Variants in CSMD2 observed in about 807,000 individuals in gnomAD.
CSMD2 encodes CUB and Sushi multiple domains 2, also known as CUB and sushi domain-containing protein 2.
CSMD2 carries 130 observed loss-of-function variants against 398.5 expected under a neutral mutation model. The observed-to-expected ratio is 0.33, with a 90% CI of 0.28 to 0.38. The LOEUF (loss-of-function observed/expected upper bound fraction) is 0.38, where lower values mean the gene tolerates loss of function less well. Ranked by LOEUF, CSMD2 falls within the 10% of genes least tolerant of loss-of-function variation. The pLI, the probability that CSMD2 is intolerant of heterozygous loss-of-function variation, is 1.00. For synonymous variants in CSMD2, 1,828 were observed against 1,908.5 expected (o/e 0.96, Z 1.10); for missense variants, 3,829 against 4,764.9 (o/e 0.80, Z 5.78).
rs760966387 is a variant in CSMD2, at chr1:33,636,467, G to A, written c.4862C>T (p.Thr1621Ile). Reference protein sequence around the residue: ...GSDLKLGSSVTYYCHGGYEVE... With the variant: ...GSDLKLGSSVIYYCHGGYEVE... ...TTCGTAGCCCCCGTGGCAGTAGTAG[G>A]TGACGGAGGAGCCCAGCTTCAGGTC... Residue 1621 changes from threonine (T) to isoleucine (I), a missense_variant, in exon 30 of 71, where the codon ACC becomes ATC. Transcript: ENST00000373381. The surrounding 1 kb of genome is among the most constrained non-coding windows in gnomAD (Gnocchi z 4.8). 3.1e-6 allele frequency: 5 copies of A among 1,614,180 alleles called. No individual in the cohort carries two copies. The Admixed American group carries it at 8.3e-5, about 27-fold the overall frequency.
intron 3 of CSMD2, among the ~76,000 whole-genome samples, chr1:34,018,945 C>T (rs1648512348): frequency 6.6e-6 from 1 of 152,078 alleles, no homozygotes; most frequent in Non-Finnish European, 1.5e-5. Flanking sequence ...AATTTGGATC[C>T]AATAGTCGCA....
In CSMD2 at chr1:34,128,821, G is replaced by A. The variant is rs77903051; in HGVS notation, c.187+36090C>T. 6.4e-3 allele frequency among the ~76,000 whole-genome samples: 968 copies of A among 152,306 alleles called. 9 individuals carry two copies. Among genetic ancestry groups the A allele is most frequent in the African/African-American group, 0.022 (902 of 41,564 alleles). ...TGCCAGCTCAGAAGGACAGTGACTAGGGATGGGGGAGGTTCAAGGTCAAAG... is the reference window on the plus strand; with the variant it reads ...TGCCAGCTCAGAAGGACAGTGACTAAGGATGGGGGAGGTTCAAGGTCAAAG... On this transcript the variant is annotated intron_variant, in intron 1 of 70. Coordinates refer to ENST00000373381, the MANE Select transcript of CSMD2 (RefSeq NM_001281956.2).
intron 12 of CSMD2, among the ~76,000 whole-genome samples, chr1:33,776,584 T>C (rs748167160): frequency 1.3e-5 from 2 of 152,072 alleles, no homozygotes; most frequent in African/African-American, 4.8e-5. Context: ...GATGACTCAT[T>C]TGTAGGGATA....
At chr1:33,796,643 A>T (rs1226076047) in intron 10 of CSMD2, among the ~76,000 whole-genome samples, 4 of 152,242 alleles carry the variant, frequency 2.6e-5, no homozygotes, top group Non-Finnish European at 4.4e-5. Context: ...TTTGAACAAT[A>T]TGAAATCAGT....
rs1557550608 is a variant in CSMD2 at position 33,569,523 on chromosome 1, A to T, written c.7982T>A (p.Ile2661Asn). 1.2e-6 allele frequency: 2 copies of T among 1,614,140 alleles called. No homozygotes were observed. The highest frequency in any genetic ancestry group is 2.2e-5 in the East Asian group (1 of 44,888). Residue 2661 changes from isoleucine to asparagine, a missense_variant, in exon 52 of 71, where the codon ATT (isoleucine) becomes AAT (asparagine). Physicochemically the swap from Ile to Asn is moderately radical, Grantham distance 149. Transcript: ENST00000373381. ...TCCGATGCGGTGGCCATTGGGGGGAATCGGGAGCTCTCCACAGGAGATGAC... is the reference window on the plus strand; with the variant it reads ...TCCGATGCGGTGGCCATTGGGGGGATTCGGGAGCTCTCCACAGGAGATGAC... ...CRIISCGELP[I>N]PPNGHRIGTL... is the part of the protein sequence containing the mutation.
At chr1:33,824,027 C>A (rs1410578282) in intron 7 of CSMD2, among the ~76,000 whole-genome samples, 1 of 152,144 alleles carries the variant, frequency 6.6e-6, no homozygotes, top group Non-Finnish European at 1.5e-5. Context: ...TCTGGCAACA[C>A]TCTTGGGAGG....
chr1:33,625,681 C>T (rs1032195746), intron 33 of CSMD2, among the ~76,000 whole-genome samples: 7 of 152,190 alleles, frequency 4.6e-5, no homozygotes, highest in Non-Finnish European at 7.3e-5. Context: ...CCATGACCCC[C>T]AGTCTCCCCT....
chr1:33,866,577 T>TA (rs1295637691), intron 5 of CSMD2, among the ~76,000 whole-genome samples: 1 of 152,224 alleles, frequency 6.6e-6, no homozygotes, highest in Non-Finnish European at 1.5e-5. Flanking sequence ...ATTGAGAAAA[T>TA]AGAGATCCTC....
chr1:33,745,979 G>A (rs1462836921), intron 13 of CSMD2, among the ~76,000 whole-genome samples: 1 of 152,120 alleles, frequency 6.6e-6, no homozygotes, highest in African/African-American at 2.4e-5. Flanking sequence ...AAGTAATGCA[G>A]GGCCAGTAAA....
chr1:34,122,849 C>T (rs1055884389), intron 1 of CSMD2, among the ~76,000 whole-genome samples: 2 of 152,160 alleles, frequency 1.3e-5, no homozygotes, highest in African/African-American at 4.8e-5. Flanking sequence ...AGCCTGATCC[C>T]CAAATGCCTT....
intron 26 of CSMD2, among the ~76,000 whole-genome samples, chr1:33,660,073 A>T (rs1365946230): frequency 6.6e-6 from 1 of 152,222 alleles, no homozygotes; most frequent in East Asian, 1.9e-4. Context: ...TTCTGGCCAT[A>T]CTTGGAAGGA....
At chr1:34,074,573 G>A (rs944198598) in intron 2 of CSMD2, among the ~76,000 whole-genome samples, 4 of 152,180 alleles carry the variant, frequency 2.6e-5, no homozygotes, top group African/African-American at 9.7e-5. Flanking sequence ...AGAGAGCATT[G>A]ATTCATTCAC....
intron 41 of CSMD2, among the ~76,000 whole-genome samples, chr1:33,610,023 C>A (rs1009052503): frequency 6.6e-6 from 1 of 152,136 alleles, no homozygotes; most frequent in African/African-American, 2.4e-5. Context: ...CATGTGAGGA[C>A]GCAGTGAGAA....
chr1:33,871,269 C>T, intron 5 of CSMD2, among the ~76,000 whole-genome samples: 1 of 152,116 alleles, frequency 6.6e-6, no homozygotes, highest in East Asian at 1.9e-4. Flanking sequence ...AGGCAGTGGG[C>T]AGAGGTGAGA....
chr1:33,722,270 G>T (rs1400153567), intron 19 of CSMD2, among the ~76,000 whole-genome samples: 3 of 152,192 alleles, frequency 2.0e-5, no homozygotes, highest in Non-Finnish European at 2.9e-5. Context: ...CTCTGTATCT[G>T]CAGGGGATTT....
intron 3 of CSMD2, among the ~76,000 whole-genome samples, chr1:33,950,617 G>A (rs771207573): frequency 6.6e-6 from 1 of 152,192 alleles, no homozygotes; most frequent in Non-Finnish European, 1.5e-5. Context: ...GAAGCCAGTG[G>A]TTGGCATAGT....
intron 65 of CSMD2, among the ~76,000 whole-genome samples, chr1:33,526,851 A>G (rs1434616162): frequency 6.6e-6 from 1 of 152,196 alleles, no homozygotes; most frequent in East Asian, 1.9e-4. Flanking sequence ...AACTGTAACC[A>G]TTTCCAGGAA....
At chr1:33,876,320 T>C (rs891898501) in intron 5 of CSMD2, among the ~76,000 whole-genome samples, 5 of 152,184 alleles carry the variant, frequency 3.3e-5, no homozygotes, top group African/African-American at 1.2e-4. Context: ...CAGAGATCTC[T>C]ACCTTGGGAA....
chr1:34,011,091 A>T (rs1166140177), intron 3 of CSMD2, among the ~76,000 whole-genome samples: 1 of 151,978 alleles, frequency 6.6e-6, no homozygotes, highest in Admixed American at 6.5e-5. Flanking sequence ...ACCCCTTCAC[A>T]GCCTTGGTCA....
Sources: allele counts gnomAD v4.1 joint callset (sites outside exome capture counted in the v4.1 genomes callset), GRCh38; gene constraint gnomAD v4.1.1; non-coding constraint Gnocchi (gnomAD v3.1); transcripts MANE v1.5; gene names NCBI Gene and HGNC (gene_info 2026-07-23, HGNC 2026-07-21).